PSMD9: variants seen among roughly 807,000 people sequenced by gnomAD.
PSMD9 encodes proteasome 26S subunit, non-ATPase 9.
Under a neutral mutation model 25.9 loss-of-function variants are expected in PSMD9, and 26 were observed. The observed-to-expected ratio is 1.00, with a 90% CI of 0.73 to 1.39. PSMD9 has a LOEUF of 1.39. Among genes scored for constraint, PSMD9 ranks in the 40% most tolerant of loss-of-function variants. The pLI, the probability that PSMD9 is intolerant of heterozygous loss-of-function variation, is 0.00. For synonymous variants in PSMD9, 110 were observed against 114.5 expected (o/e 0.96, Z 0.25); for missense variants, 303 against 299.3 (o/e 1.01, Z -0.09).
At chr12:121,891,489 A>G (rs1306672432) in intron 1 of PSMD9, among the ~76,000 whole-genome samples, 1 of 151,022 alleles carries the variant, frequency 6.6e-6, no homozygotes, top group Non-Finnish European at 1.5e-5. Flanking sequence ...AGTCCCAGCT[A>G]CTCTGGAGGC....
intron 4 of PSMD9, among the ~76,000 whole-genome samples, chr12:121,910,234 T>A (rs1357515015): frequency 6.6e-6 from 1 of 151,530 alleles, no homozygotes; most frequent in Non-Finnish European, 1.5e-5. Flanking sequence ...TACAGGTGCC[T>A]GCCACCATGC....
Position 121,903,923 on chromosome 12 carries a change from A to G in PSMD9, c.555+816A>G, listed in dbSNP as rs149262677. Among the ~76,000 whole-genome samples, 333 of 152,076 alleles carry G rather than the reference A, an allele frequency of 2.2e-3. 2 individuals carry two copies. The highest frequency in any genetic ancestry group is 7.9e-3 in the African/African-American group (327 of 41,494). ...TTGTTGTTTTGTAGCAAAGATCCAC[A>G]CTTTTCAGGAGTGATACTGTGGCAA... On this transcript the variant is annotated intron_variant, in intron 4 of 5. Transcript: ENST00000541212.
chr12:121,907,086 T>G (rs1443658773), intron 4 of PSMD9, among the ~76,000 whole-genome samples: 2 of 152,176 alleles, frequency 1.3e-5, no homozygotes, highest in African/African-American at 4.8e-5. Context: ...TTATTTTTTT[T>G]GAGACGAAGT....
intron 1 of PSMD9, among the ~76,000 whole-genome samples, chr12:121,889,317 G>T (rs138252064): frequency 1.0e-3 from 159 of 152,322 alleles, no homozygotes; most frequent in African/African-American, 3.7e-3. Flanking sequence ...TCCATTTTAG[G>T]GAGGGGGAAA....
rs1245399106 is a variant in PSMD9, at chr12:121,889,127, C to G, written c.138+133C>G. On this transcript the variant is annotated intron_variant, in intron 1 of 5. Coordinates refer to ENST00000541212, the MANE Select transcript of PSMD9 (RefSeq NM_002813.7). ...TGGGAGGCCCAAGGCGCCGCAAGTGCGGCCTCTGTCGGCACAAGAAGGCAG... is the reference window on the plus strand; with the variant it reads ...TGGGAGGCCCAAGGCGCCGCAAGTGGGGCCTCTGTCGGCACAAGAAGGCAG... 7.4e-6 allele frequency: 8 copies of G among 1,086,022 alleles called. No individual in the cohort carries two copies. In the East Asian group the frequency reaches 2.1e-4, roughly 28 times the overall value. 67.3% of individuals were successfully genotyped at this position (1,086,022 alleles called of 1,614,324 possible).
chr12:121,902,982 T>C, intron 3 of PSMD9, 24 bp from the exon 4 acceptor site: 1 of 1,595,584 alleles, frequency 6.3e-7, no homozygotes, highest in Non-Finnish European at 8.6e-7. Flanking sequence ...TAGCCTGATT[T>C]TCCATTTTTC....
chr12:121,896,759 C>A (rs1422261129), intron 2 of PSMD9, among the ~76,000 whole-genome samples: 3 of 150,984 alleles, frequency 2.0e-5, no homozygotes, highest in African/African-American at 7.3e-5. Context: ...TCACTTGAAC[C>A]CAGGAGGCGG....
chr12:121,899,700 G>T lies in PSMD9; in HGVS notation c.308G>T (p.Arg103Leu), dbSNP rs1565892007. ...VEEALHQLHA[R>L]DKEKQARDMA... is the part of the protein sequence containing the mutation. ...GAGGCCCTGCACCAGCTGCACGCTCGCGACAAGGAGAAGCAGGCCCGGGAC... is the reference window on the plus strand; with the variant it reads ...GAGGCCCTGCACCAGCTGCACGCTCTCGACAAGGAGAAGCAGGCCCGGGAC... Residue 103 changes from arginine (R) to leucine (L), a missense_variant, in exon 3 of 6, where the codon CGC becomes CTC. Physicochemically the swap from Arg to Leu is moderately radical, Grantham distance 102 (BLOSUM62 -2). Transcript: ENST00000541212. The T allele has an allele frequency of 6.2e-7, 1 of 1,614,052 alleles. No individual in the cohort carries two copies. Among genetic ancestry groups the T allele is most frequent in the Non-Finnish European group, 8.5e-7 (1 of 1,179,982 alleles).
At chr12:121,910,929 C>G in intron 4 of PSMD9, 1 of 456,436 alleles carries the variant, frequency 2.2e-6, no homozygotes, top group Non-Finnish European at 4.4e-6. Context: ...CTCTCCATTC[C>G]CACTTTCCGC....
chr12:121,908,283 A>G (rs1879620192), intron 4 of PSMD9: 1 of 151,896 alleles, frequency 6.6e-6, no homozygotes, highest in Non-Finnish European at 1.5e-5. Context: ...GGTTCAAGCA[A>G]TTCTCCTGCC....
intron 4 of PSMD9, among the ~76,000 whole-genome samples, chr12:121,908,318 A>G (rs1479976648): frequency 6.6e-6 from 1 of 151,832 alleles, no homozygotes; most frequent in East Asian, 1.9e-4. Context: ...AGCTGGGATT[A>G]CAGGCATGCA....
chr12:121,904,344 G>A (rs567529126), intron 4 of PSMD9, among the ~76,000 whole-genome samples: 5 of 149,338 alleles, frequency 3.3e-5, no homozygotes, highest in Non-Finnish European at 7.4e-5. Context: ...GGAGGGCGAG[G>A]TGGGTGGATC....
At chr12:121,890,174 C>T (rs1879023561) in intron 1 of PSMD9, among the ~76,000 whole-genome samples, 1 of 152,032 alleles carries the variant, frequency 6.6e-6, no homozygotes. Flanking sequence ...ACCTTGGCCT[C>T]CCCAAGTGCT....
intron 2 of PSMD9, among the ~76,000 whole-genome samples, chr12:121,895,069 G>A (rs922495066): frequency 6.6e-6 from 1 of 151,280 alleles, no homozygotes; most frequent in African/African-American, 2.4e-5. Flanking sequence ...TTTTGAGTCA[G>A]GGTCTTGCTC....
intron 1 of PSMD9, among the ~76,000 whole-genome samples, chr12:121,889,420 G>A (rs1878994395): frequency 1.3e-5 from 2 of 152,184 alleles, no homozygotes; most frequent in Non-Finnish European, 1.5e-5. Flanking sequence ...GTCTCACTGT[G>A]TTGCCCAGGT....
intron 3 of PSMD9, chr12:121,902,245 CAT>C (rs1321574145): frequency 6.6e-6 from 1 of 151,944 alleles, no homozygotes; most frequent in Non-Finnish European, 1.5e-5. Flanking sequence ...TGTCAGGACA[CAT>C]AGTTCCTGCC....
intron 4 of PSMD9, among the ~76,000 whole-genome samples, chr12:121,904,388 C>T (rs1266524919): frequency 6.7e-6 from 1 of 148,916 alleles, no homozygotes; most frequent in African/African-American, 2.5e-5. Flanking sequence ...TCCTGGCTAA[C>T]ACGGTGAAAC....
rs1258912184 is a variant in PSMD9 at position 121,916,661 on chromosome 12, G to C, written c.*350G>C. 1.3e-5 allele frequency: 3 copies of C among 232,826 alleles called. No individual in the cohort carries two copies. The highest frequency in any genetic ancestry group is 2.5e-5 in the Non-Finnish European group (3 of 118,176). 14.4% of individuals were successfully genotyped at this position (232,826 alleles called of 1,614,324 possible). A position where few individuals can be genotyped will look rare whatever the true frequency, so the allele number is the denominator to read the frequency against. On this transcript the variant is annotated 3_prime_UTR_variant, in exon 6 of 6. Coordinates refer to ENST00000541212, the MANE Select transcript of PSMD9 (RefSeq NM_002813.7). ...CTGATATGACCCTGTTGTCACCCCA[G>C]CTGAATTTCTTATGACCCTCCCAAA... is the stretch of plus-strand genomic sequence containing the variant.
intron 3 of PSMD9, chr12:121,902,777 T>C: frequency 2.1e-6 from 1 of 476,938 alleles, no homozygotes; most frequent in Admixed American, 3.3e-5. Context: ...TGGGCAGACC[T>C]GGTCATCTTT....
Sources: gnomAD v4.1 joint callset for allele counts (sites outside exome capture counted in the v4.1 genomes callset) on GRCh38, gnomAD v4.1.1 for gene constraint, MANE v1.5 for transcripts, NCBI Gene and HGNC (gene_info 2026-07-23, HGNC 2026-07-21) for gene names.